The following PIANP variants were observed in gnomAD, a reference collection of about 807,000 sequenced individuals.
PIANP encodes the protein PILR alpha-associated neural protein.
Under a neutral mutation model 28.9 loss-of-function variants are expected in PIANP, and 14 were observed. That is an observed-to-expected ratio of 0.49 (90% CI 0.32 to 0.76). The LOEUF (loss-of-function observed/expected upper bound fraction) is 0.76. PIANP is among the 30% of genes least tolerant of loss of function. The pLI is 0.03. For synonymous variants in PIANP, 149 were observed against 156.6 expected (o/e 0.95, Z 0.36); for missense variants, 322 against 371.8 (o/e 0.87, Z 1.10).
In PIANP at chr12:6,698,186, T is replaced by A. The variant is rs1218957459; in HGVS notation, c.-43-82A>T. The A allele has an allele frequency of 3.4e-6, 4 of 1,164,230 alleles. No homozygotes were observed. In the African/African-American group the frequency reaches 6.1e-5, roughly 18 times the overall value. 72.1% of individuals were successfully genotyped at this position (1,164,230 alleles called of 1,614,324 possible). A position where few individuals can be genotyped will look rare whatever the true frequency, so the allele number is the denominator to read the frequency against. On this transcript the variant is annotated intron_variant, in intron 1 of 4. Transcript: ENST00000534837. ...AATTCATCCACCAATTCTACCCGCA[T>A]CTGCCCTCCCAGGCCACCCAGCTGC...
In PIANP at chr12:6,697,675, G is replaced by A; in HGVS notation, c.135C>T (p.Pro45=). The A allele has an allele frequency of 6.4e-7, 1 of 1,555,672 alleles. No individual in the cohort carries two copies. The highest frequency in any genetic ancestry group is 2.4e-5 in the East Asian group (1 of 41,702). The change falls in exon 3 of 5, where the codon CCC becomes CCT. Residue 45 remains proline (P), a synonymous_variant. Transcript: ENST00000534837. The surrounding 1 kb of genome is among the most constrained non-coding windows in gnomAD (Gnocchi z 6.9). The part of the protein sequence containing the change: ...SPRTPPAPAR[P]PCARGGPSAP... ...CCGAGGGGCCTCCCCTGGCACACGGGGGGCGGGCTGGGGCTGGTGGGGTTC... is the reference window on the plus strand; with the variant it reads ...CCGAGGGGCCTCCCCTGGCACACGGAGGGCGGGCTGGGGCTGGTGGGGTTC...
chr12:6,699,403 G>A (rs1486539744), intron 1 of PIANP, among the ~76,000 whole-genome samples: 1 of 152,030 alleles, frequency 6.6e-6, no homozygotes, highest in Non-Finnish European at 1.5e-5. Context: ...AGTGAGAGAG[G>A]AGAAATGTGA....
chr12:6,698,116 A>G lies in PIANP; in HGVS notation c.-43-12T>C, dbSNP rs1959936411. 4.5e-6 allele frequency: 7 copies of G among 1,541,732 alleles called. No homozygotes were observed. The highest frequency in any genetic ancestry group is 5.3e-6 in the Non-Finnish European group (6 of 1,136,500). Reference sequence around the variant, plus strand: ...ATTTTCAGCCTTTACTGGGAGAAAAAGGGGGCCGTCACACCCCAGCCCTGC... The same window carrying G: ...ATTTTCAGCCTTTACTGGGAGAAAAGGGGGGCCGTCACACCCCAGCCCTGC... On this transcript the variant is annotated splice_polypyrimidine_tract_variant and intron_variant, in intron 1 of 4. Transcript: ENST00000534837.
At position 6,696,484 on chromosome 12, in the gene PIANP, G is replaced by A. The variant is rs1959867695; in HGVS notation, c.564C>T (p.Ile188=). 6.2e-7 allele frequency: 1 copy of A among 1,603,012 alleles called. No homozygotes were observed. Among genetic ancestry groups the A allele is most frequent in the African/African-American group, 1.3e-5 (1 of 74,650 alleles). The stretch of plus-strand genomic sequence containing the variant: ...TGCCAGTGGCCACGAGAACAATGAT[G>A]ATGGAGATGGTAATTGTGACATAGA... ...PQLYVTITIS[I]IIVLVATGII... is the part of the protein sequence containing the mutation. The change falls in exon 4 of 5, where the codon ATC becomes ATT. Residue 188 remains isoleucine (I), a synonymous_variant. Transcript: ENST00000534837. The surrounding 1 kb of genome is among the most constrained non-coding windows in gnomAD (Gnocchi z 4.0).
In PIANP at chr12:6,694,880, G is replaced by T; in HGVS notation, c.*546C>A. Reference sequence around the variant, plus strand: ...TGCAGGAGGGCGAGCAGATAGGATTGCCCGTGGGGCTGGGGAGTGTTCCGG... The same window carrying T: ...TGCAGGAGGGCGAGCAGATAGGATTTCCCGTGGGGCTGGGGAGTGTTCCGG... On this transcript the variant is annotated 3_prime_UTR_variant, in exon 5 of 5. Transcript: ENST00000534837. This position sits in a 1 kb window ranked among gnomAD's most constrained non-coding sequence, Gnocchi z 6.1. 1 of 891,398 alleles carries T rather than the reference G, an allele frequency of 1.1e-6. No individual in the cohort carries two copies. The highest frequency in any genetic ancestry group is 1.6e-6 in the Non-Finnish European group (1 of 615,898). The allele number at this position is 891,398 out of a possible 1,614,324, so 55.2% of individuals were successfully genotyped here.
In PIANP at chr12:6,695,636, C is replaced by T; in HGVS notation, c.621G>A (p.Gln207=). 3 of 1,529,686 alleles carry T rather than the reference C, an allele frequency of 2.0e-6. No homozygotes were observed. The highest frequency in any genetic ancestry group is 2.6e-6 in the Non-Finnish European group (3 of 1,137,052). 94.8% of individuals were successfully genotyped at this position (1,529,686 alleles called of 1,614,324 possible). A position where few individuals can be genotyped will look rare whatever the true frequency, so the allele number is the denominator to read the frequency against. ...GCTGCCCTGAGGGTCTGCGTCGCTT[C>T]TGGCTGCGGTCCCAGCTGGGGTACC... ...IIFKFCWDRS[Q]KRRRPSGQQG... The change falls in exon 5 of 5, where the codon CAG becomes CAA. Residue 207 remains glutamine, a synonymous_variant. Transcript: ENST00000534837. The surrounding 1 kb of genome is among the most constrained non-coding windows in gnomAD (Gnocchi z 4.2).
At position 6,695,546 on chromosome 12, in the gene PIANP, A is replaced by G; in HGVS notation, c.711T>C (p.Thr237=). ...GTGAGTCCCCGAAGGCCCCCAGCAC[A>G]GTGACTCCAGCCGGGGACAGGTCTG... is the stretch of plus-strand genomic sequence containing the variant. ...PLTDLSPAGV[T]VLGAFGDSPT... is the part of the protein sequence containing the mutation. The change falls in exon 5 of 5, where the codon ACT becomes ACC. Residue 237 remains threonine (T), a synonymous_variant. Coordinates refer to ENST00000534837, the MANE Select transcript of PIANP (RefSeq NM_001244014.2). The surrounding 1 kb of genome is among the most constrained non-coding windows in gnomAD (Gnocchi z 4.2). The G allele has an allele frequency of 6.3e-7, 1 of 1,594,440 alleles. No homozygotes were observed. Among genetic ancestry groups the G allele is most frequent in the Non-Finnish European group, 8.6e-7 (1 of 1,169,520 alleles).
rs897429781 is a variant in PIANP at position 6,696,018 on chromosome 12, G to A, written c.606-367C>T. Among the ~76,000 whole-genome samples the A allele has an allele frequency of 5.9e-5, 9 of 152,138 alleles. No homozygotes were observed. The highest frequency in any genetic ancestry group is 1.2e-4 in the Non-Finnish European group (8 of 68,026). ...TAGTTCAAAGCAAGCTGATGACTTGGACACCTGAGTCTAATGATTCTCTCA... is the reference window on the plus strand; with the variant it reads ...TAGTTCAAAGCAAGCTGATGACTTGAACACCTGAGTCTAATGATTCTCTCA... On this transcript the variant is annotated intron_variant, in intron 4 of 4. Transcript: ENST00000534837. This position sits in a 1 kb window ranked among gnomAD's most constrained non-coding sequence, Gnocchi z 4.0.
Position 6,700,730 on chromosome 12 carries a change from G to C in PIANP, c.-160C>G, listed in dbSNP as rs11064321. On this transcript the variant is annotated 5_prime_UTR_variant, in exon 1 of 5. Coordinates refer to ENST00000534837, the MANE Select transcript of PIANP (RefSeq NM_001244014.2). The surrounding 1 kb of genome is among the most constrained non-coding windows in gnomAD (Gnocchi z 5.5). Reference sequence around the variant, plus strand: ...GTGGGGAGGTTTGGCCCGCGGCAGGGCGCTGGAGCGGGTGGGGGGCGGGCG... The same window carrying C: ...GTGGGGAGGTTTGGCCCGCGGCAGGCCGCTGGAGCGGGTGGGGGGCGGGCG... 0.25 allele frequency: 37,091 copies of C among 148,400 alleles called. 6,205 individuals carry two copies. The highest frequency in any genetic ancestry group is 0.38 in the Non-Finnish European group (24,835 of 66,066). The allele number at this position is 148,400 out of a possible 1,614,324, so 9.2% of individuals were successfully genotyped here.
chr12:6,696,977 A>G lies in PIANP; in HGVS notation c.523+310T>C, dbSNP rs1011669012. Among the ~76,000 whole-genome samples, 1 of 152,140 alleles carries G rather than the reference A, an allele frequency of 6.6e-6. No homozygotes were observed. The highest frequency in any genetic ancestry group is 1.5e-5 in the Non-Finnish European group (1 of 68,048). ...CACTCTCTTTTCAAGGGCCAGCTCAAATGTCAGTTCTCTGAAGGTGTCCTG... is the reference window on the plus strand; with the variant it reads ...CACTCTCTTTTCAAGGGCCAGCTCAGATGTCAGTTCTCTGAAGGTGTCCTG... On this transcript the variant is annotated intron_variant, in intron 3 of 4. Coordinates refer to ENST00000534837, the MANE Select transcript of PIANP (RefSeq NM_001244014.2). The surrounding 1 kb of genome is among the most constrained non-coding windows in gnomAD (Gnocchi z 4.0).
Position 6,700,157 on chromosome 12 carries a change from T to TG in PIANP, c.-44+456dup, listed in dbSNP as rs1401924870. 1 of 152,050 alleles carries TG rather than the reference T, an allele frequency of 6.6e-6. No homozygotes were observed. The highest frequency in any genetic ancestry group is 2.4e-5 in the African/African-American group (1 of 41,392). 9.4% of individuals were successfully genotyped at this position (152,050 alleles called of 1,614,324 possible). ...GACCTGTTGTGCGCAGGAGACGAGCTGGGGGTGGGGCAGGAGCCTCGGGGT... is the reference window on the plus strand; with the variant it reads ...GACCTGTTGTGCGCAGGAGACGAGCTGGGGGGTGGGGCAGGAGCCTCGGGGT... On this transcript the variant is annotated intron_variant, in intron 1 of 4. Transcript: ENST00000534837. This position sits in a 1 kb window ranked among gnomAD's most constrained non-coding sequence, Gnocchi z 5.5.
chr12:6,697,587 T>G lies in PIANP; in HGVS notation c.223A>C (p.Arg75=). Residue 75 remains arginine (R), a synonymous_variant, in exon 3 of 5, where the codon AGA becomes CGA. Coordinates refer to ENST00000534837, the MANE Select transcript of PIANP (RefSeq NM_001244014.2). This position sits in a 1 kb window ranked among gnomAD's most constrained non-coding sequence, Gnocchi z 6.9. ...PPPSRSPRVP[R]SRRQVLPGTA... is the part of the protein sequence containing the mutation. ...CCAGGCAGGACTTGCCGACGTGATCTTGGGACCCGAGGAGATCGGCTTGGT... is the reference window on the plus strand; with the variant it reads ...CCAGGCAGGACTTGCCGACGTGATCGTGGGACCCGAGGAGATCGGCTTGGT... 6.3e-7 allele frequency: 1 copy of G among 1,588,208 alleles called. No individual in the cohort carries two copies. The highest frequency in any genetic ancestry group is 8.6e-7 in the Non-Finnish European group (1 of 1,167,254).
chr12:6,695,918 C>T lies in PIANP; in HGVS notation c.606-267G>A, dbSNP rs753680500. ...GACAAAATTAATATCCCCTCCCCACCACCACAATGTCCTCTCCCCTACATG... is the reference window on the plus strand; with the variant it reads ...GACAAAATTAATATCCCCTCCCCACTACCACAATGTCCTCTCCCCTACATG... On this transcript the variant is annotated intron_variant, in intron 4 of 4. Transcript: ENST00000534837. The surrounding 1 kb of genome is among the most constrained non-coding windows in gnomAD (Gnocchi z 4.2). Among the ~76,000 whole-genome samples the T allele has an allele frequency of 2.6e-5, 4 of 152,082 alleles. No individual in the cohort carries two copies. The highest frequency in any genetic ancestry group is 5.9e-5 in the Non-Finnish European group (4 of 68,024).
rs776041542 is a variant in PIANP, at chr12:6,695,240, T to G, written c.*186A>C. Reference sequence around the variant, plus strand: ...TGGGCAGCAGAGAATAGGACACAGATCCTGAGAGACTGGGAGAAGGAAGGG... The same window carrying G: ...TGGGCAGCAGAGAATAGGACACAGAGCCTGAGAGACTGGGAGAAGGAAGGG... On this transcript the variant is annotated 3_prime_UTR_variant, in exon 5 of 5. Coordinates refer to ENST00000534837, the MANE Select transcript of PIANP (RefSeq NM_001244014.2). The surrounding 1 kb of genome is among the most constrained non-coding windows in gnomAD (Gnocchi z 4.2). The G allele has an allele frequency of 7.1e-7, 1 of 1,407,304 alleles. No homozygotes were observed. The highest frequency in any genetic ancestry group is 9.3e-7 in the Non-Finnish European group (1 of 1,073,554). 87.2% of individuals were successfully genotyped at this position (1,407,304 alleles called of 1,614,324 possible).
chr12:6,698,190 C>G, intron 1 of PIANP, 86 bp from the exon 2 acceptor site: 6 of 1,061,396 alleles, frequency 5.7e-6, no homozygotes, highest in South Asian at 1.4e-5. Context: ...CCCGCATCTG[C>G]CCTCCCAGGC....
Position 6,697,499 on chromosome 12 carries a change from C to A in PIANP, c.311G>T (p.Trp104Leu). The change falls in exon 3 of 5, where the codon TGG (tryptophan) becomes TTG (leucine). Residue 104 changes from tryptophan to leucine, a missense_variant. Physicochemically the swap from Trp to Leu is moderately conservative, Grantham distance 61. Coordinates refer to ENST00000534837, the MANE Select transcript of PIANP (RefSeq NM_001244014.2). The surrounding 1 kb of genome is among the most constrained non-coding windows in gnomAD (Gnocchi z 6.9). ...CACGGTGGGACCCCACACGATAGCCCAGGGGTATTGGGATGAGGGCGGCCC... is the reference window on the plus strand; with the variant it reads ...CACGGTGGGACCCCACACGATAGCCAAGGGGTATTGGGATGAGGGCGGCCC... ...EEGPPSSQYPWAIVWGPTVSR... is the reference protein window; with the variant it reads ...EEGPPSSQYPLAIVWGPTVSR... 6.2e-7 allele frequency: 1 copy of A among 1,613,694 alleles called. No individual in the cohort carries two copies. The highest frequency in any genetic ancestry group is 8.5e-7 in the Non-Finnish European group (1 of 1,179,784).
In PIANP at chr12:6,700,376, C is replaced by G. The variant is rs1304101710; in HGVS notation, c.-44+238G>C. The G allele has an allele frequency of 6.6e-6, 1 of 152,246 alleles. No homozygotes were observed. 9.4% of individuals were successfully genotyped at this position (152,246 alleles called of 1,614,324 possible). A position where few individuals can be genotyped will look rare whatever the true frequency, so the allele number is the denominator to read the frequency against. ...CAGGAGACTGCGCGGAGCCGCCCGCCGAGCCGAGGCGGGATGGAGGCAGCC... is the reference window on the plus strand; with the variant it reads ...CAGGAGACTGCGCGGAGCCGCCCGCGGAGCCGAGGCGGGATGGAGGCAGCC... On this transcript the variant is annotated intron_variant, in intron 1 of 4. Coordinates refer to ENST00000534837, the MANE Select transcript of PIANP (RefSeq NM_001244014.2). The surrounding 1 kb of genome is among the most constrained non-coding windows in gnomAD (Gnocchi z 5.5).
chr12:6,697,999 C>A lies in PIANP; in HGVS notation c.17+46G>T. 6.4e-7 allele frequency: 1 copy of A among 1,551,958 alleles called. No individual in the cohort carries two copies. Among genetic ancestry groups the A allele is most frequent in the Non-Finnish European group, 8.7e-7 (1 of 1,146,958 alleles). ...GGTCTAGGAAGGAAGGAGTCATGGC[C>A]CCAGGGAATGTGGTCTCCAGGCTCC... On this transcript the variant is annotated intron_variant, in intron 2 of 4. Coordinates refer to ENST00000534837, the MANE Select transcript of PIANP (RefSeq NM_001244014.2). The surrounding 1 kb of genome is among the most constrained non-coding windows in gnomAD (Gnocchi z 6.9).
At position 6,694,111 on chromosome 12, in the gene PIANP, G is replaced by GC. The variant is rs1045509504; in HGVS notation, c.*1314dup. On this transcript the variant is annotated 3_prime_UTR_variant, in exon 5 of 5. Coordinates refer to ENST00000534837, the MANE Select transcript of PIANP (RefSeq NM_001244014.2). The surrounding 1 kb of genome is among the most constrained non-coding windows in gnomAD (Gnocchi z 6.1). ...TTGAACCAGCTGACTCCGGTCCCTG[G>GC]CAGCCTAGGTGGAGTTAGGGAGGCC... 2 of 153,902 alleles carry GC rather than the reference G, an allele frequency of 1.3e-5. No individual in the cohort carries two copies. Among genetic ancestry groups the GC allele is most frequent in the African/African-American group, 4.8e-5 (2 of 41,424 alleles). 9.5% of individuals were successfully genotyped at this position (153,902 alleles called of 1,614,324 possible).
Sources: allele counts gnomAD v4.1 joint callset (sites outside exome capture counted in the v4.1 genomes callset), GRCh38; gene constraint gnomAD v4.1.1; non-coding constraint Gnocchi (gnomAD v3.1); transcripts MANE v1.5; gene names NCBI Gene and HGNC (gene_info 2026-07-23, HGNC 2026-07-21).